SMCO4: variants seen among roughly 807,000 people sequenced by gnomAD.
The protein encoded by SMCO4 is single-pass membrane and coiled-coil domain-containing protein 4.
In SMCO4, 4 loss-of-function variants were observed where a neutral mutation model predicts 3.6. That is an observed-to-expected ratio of 1.11 (90% CI 0.54 to 2.53). The LOEUF is 2.53. SMCO4 is among the 30% of genes most tolerant of loss of function. The pLI, the probability that SMCO4 is intolerant of heterozygous loss-of-function variation, is 0.02. For synonymous variants in SMCO4, 36 were observed against 35.3 expected (o/e 1.02, Z -0.07); for missense variants, 70 against 80.8 (o/e 0.87, Z 0.51).
chr11:93,514,967 C>A (rs1206433583), intron 1 of SMCO4, among the ~76,000 whole-genome samples: 1 of 152,118 alleles, frequency 6.6e-6, no homozygotes, highest in Admixed American at 6.5e-5. Flanking sequence ...GCATTCAAAC[C>A]CAAGGCTACT....
chr11:93,505,709 T>C (rs35930354), intron 1 of SMCO4, among the ~76,000 whole-genome samples: 18,799 of 152,224 alleles, frequency 0.12, 1,430 homozygotes, highest in Non-Finnish European at 0.17. Context: ...AAAAATGTAT[T>C]TGAGCATTCC....
At chr11:93,502,011 G>A (rs1250407986) in intron 1 of SMCO4, among the ~76,000 whole-genome samples, 1 of 151,916 alleles carries the variant, frequency 6.6e-6, no homozygotes, top group Non-Finnish European at 1.5e-5. Context: ...AGAAAGGAGA[G>A]CAGGCTAGCA....
intron 1 of SMCO4, among the ~76,000 whole-genome samples, chr11:93,518,293 T>C (rs553098735): frequency 4.6e-5 from 7 of 152,370 alleles, no homozygotes; most frequent in Non-Finnish European, 7.4e-5. Flanking sequence ...TTCCTTTTTA[T>C]TGCTGAACAA....
intron 2 of SMCO4, among the ~76,000 whole-genome samples, chr11:93,494,910 G>C (rs1165757622): frequency 6.6e-6 from 1 of 152,138 alleles, no homozygotes; most frequent in Admixed American, 6.5e-5. Context: ...CCCCAAGGAA[G>C]GACCTGCATG....
At chr11:93,505,181 G>A (rs146056003) in intron 1 of SMCO4, among the ~76,000 whole-genome samples, 4 of 152,298 alleles carry the variant, frequency 2.6e-5, no homozygotes, top group Admixed American at 6.5e-5. Flanking sequence ...GTGGCAGAAC[G>A]TTGAGAGGAA....
intron 1 of SMCO4, among the ~76,000 whole-genome samples, chr11:93,529,708 G>A (rs1370646118): frequency 6.6e-6 from 1 of 152,184 alleles, no homozygotes; most frequent in African/African-American, 2.4e-5. Context: ...CAAGGCCAAG[G>A]AATCTGAAGT....
At chr11:93,493,561 C>T (rs1401105057) in intron 2 of SMCO4, among the ~76,000 whole-genome samples, 2 of 152,204 alleles carry the variant, frequency 1.3e-5, no homozygotes, top group Non-Finnish European at 2.9e-5. Flanking sequence ...TGCCTCCCTT[C>T]CTCCAGCCTC....
At chr11:93,542,369 T>G (rs1280039324) in intron 1 of SMCO4, among the ~76,000 whole-genome samples, 1 of 152,100 alleles carries the variant, frequency 6.6e-6, no homozygotes, top group African/African-American at 2.4e-5. Context: ...GATGAGTGGA[T>G]GGGTGGGTGT....
chr11:93,484,688 CTT>C lies in SMCO4; in HGVS notation c.-80-5421_-80-5420del, dbSNP rs10707335. Among the ~76,000 whole-genome samples the C allele has an allele frequency of 3.9e-3, 564 of 143,684 alleles. 3 individuals are homozygous for C. The highest frequency in any genetic ancestry group is 0.011 in the African/African-American group (442 of 38,862). The allele number at this position is 143,684 out of a possible 152,430, so 94.3% of individuals were successfully genotyped here. ...TGAATCTGGGAAACACCAGGGAATT[CTT>C]TTTTTTTTTTTTTGCACCATATAAC... On this transcript the variant is annotated intron_variant, in intron 2 of 2. Transcript: ENST00000298966.
At chr11:93,483,293 C>T (rs1229900159) in intron 2 of SMCO4, among the ~76,000 whole-genome samples, 1 of 152,170 alleles carries the variant, frequency 6.6e-6, no homozygotes. Flanking sequence ...TCCCTCTGGG[C>T]TAAGGATCGC....
chr11:93,529,556 G>A (rs780117449), intron 1 of SMCO4, among the ~76,000 whole-genome samples: 4 of 151,882 alleles, frequency 2.6e-5, no homozygotes, highest in Non-Finnish European at 4.4e-5. Flanking sequence ...TCAGGCCCCC[G>A]CACAGCCCAG....
chr11:93,538,942 G>C (rs1267755545), intron 1 of SMCO4, among the ~76,000 whole-genome samples: 2 of 152,106 alleles, frequency 1.3e-5, no homozygotes, highest in African/African-American at 4.8e-5. Flanking sequence ...GACCCTCTCT[G>C]CCTACAGGAC....
the SMCO4 span, among the ~76,000 whole-genome samples, chr11:93,550,386 A>T: frequency 9.8e-4 from 150 of 152,348 alleles, 1 homozygote; most frequent in African/African-American, 3.4e-3. Context: ...TCGGCCAGGC[A>T]TGGTGCCTCA....
At chr11:93,525,454 GAA>G (rs1275208242) in intron 1 of SMCO4, among the ~76,000 whole-genome samples, 1 of 152,060 alleles carries the variant, frequency 6.6e-6, no homozygotes, top group Non-Finnish European at 1.5e-5. Flanking sequence ...TTCCTTGAAA[GAA>G]AAAAGTTCCA....
chr11:93,527,279 G>C (rs1344078934), intron 1 of SMCO4, among the ~76,000 whole-genome samples: 1 of 152,182 alleles, frequency 6.6e-6, no homozygotes, highest in Non-Finnish European at 1.5e-5. Flanking sequence ...GGACCTTTCT[G>C]AGTATGTCAG....
intron 2 of SMCO4, among the ~76,000 whole-genome samples, 180 bp downstream of exon 2, chr11:93,499,093 TGGA>T (rs1271143270): frequency 6.6e-6 from 1 of 152,064 alleles, no homozygotes; most frequent in Admixed American, 6.5e-5. Flanking sequence ...ACCCGCAGCC[TGGA>T]GGAGATCCTC....
the SMCO4 span, among the ~76,000 whole-genome samples, chr11:93,549,166 G>A: frequency 6.6e-6 from 1 of 152,236 alleles, no homozygotes; most frequent in African/African-American, 2.4e-5. Flanking sequence ...CTTATGGCAG[G>A]GAGAGTCCTT....
At chr11:93,482,719 G>A (rs1948606253) in intron 2 of SMCO4, among the ~76,000 whole-genome samples, 2 of 152,140 alleles carry the variant, frequency 1.3e-5, no homozygotes, top group Admixed American at 1.3e-4. Flanking sequence ...GGGAATATTT[G>A]GCCAGGGAAA....
the SMCO4 span, among the ~76,000 whole-genome samples, chr11:93,550,522 A>T: frequency 2.0e-5 from 3 of 152,058 alleles, no homozygotes; most frequent in Non-Finnish European, 4.4e-5. Context: ...ATTAAAAAAT[A>T]AAAATAGCCA....
Sources: gnomAD v4.1 joint callset for allele counts (sites outside exome capture counted in the v4.1 genomes callset) on GRCh38, gnomAD v4.1.1 for gene constraint, MANE v1.5 for transcripts, NCBI Gene and HGNC (gene_info 2026-07-23, HGNC 2026-07-21) for gene names.